The following ACACA variants were observed in gnomAD, a reference collection of about 807,000 sequenced individuals.
ACACA encodes acetyl-CoA carboxylase alpha, also known as acetyl-CoA carboxylase 1.
In ACACA, 103 loss-of-function variants were observed where a neutral mutation model predicts 296.1. The observed-to-expected ratio is 0.35, with a 90% CI of 0.30 to 0.41. The LOEUF (loss-of-function observed/expected upper bound fraction) is 0.41, where lower values mean the gene tolerates loss of function less well. ACACA is among the 10% of genes least tolerant of loss of function. The probability of loss-of-function intolerance (pLI) is 1.00; values close to 1 mark genes in which losing one functional copy is unlikely to be tolerated. For missense variants in ACACA, 1,554 were observed against 2,989.7 expected (o/e 0.52, Z 11.20); for synonymous variants, 953 against 1,038.6 (o/e 0.92, Z 1.58).
intron 3 of ACACA, among the ~76,000 whole-genome samples, chr17:37,321,451 C>T (rs114785148): frequency 6.6e-6 from 1 of 152,126 alleles, no homozygotes; most frequent in African/African-American, 2.4e-5. Flanking sequence ...GGTGTCTCTA[C>T]TAAAACTACA....
At chr17:37,210,596 G>T in intron 29 of ACACA, 106 bp from the exon 30 acceptor site, 1 of 1,036,578 alleles carries the variant, frequency 9.6e-7, no homozygotes, top group Non-Finnish European at 1.5e-6. Context: ...CAGTTTGGCA[G>T]CTCTGGCATT....
chr17:37,178,880 A>G (rs2077217725), intron 41 of ACACA, among the ~76,000 whole-genome samples: 1 of 152,178 alleles, frequency 6.6e-6, no homozygotes, highest in Non-Finnish European at 1.5e-5. Context: ...ATTTTCATGT[A>G]CCTATCACCT....
chr17:37,172,285 G>A (rs1002870445), intron 41 of ACACA, among the ~76,000 whole-genome samples: 11 of 152,058 alleles, frequency 7.2e-5, no homozygotes, highest in African/African-American at 2.4e-4. Flanking sequence ...AGTCAATCAA[G>A]GTTACTGAGC....
At chr17:37,282,227 C>T (rs2146572555) in intron 5 of ACACA, among the ~76,000 whole-genome samples, 1 of 152,176 alleles carries the variant, frequency 6.6e-6, no homozygotes, top group African/African-American at 2.4e-5. Context: ...GTGTGTGGCA[C>T]CCTCCCCACA....
intron 1 of ACACA, among the ~76,000 whole-genome samples, chr17:37,375,410 C>T (rs2049963170): frequency 6.6e-6 from 1 of 152,064 alleles, no homozygotes; most frequent in African/African-American, 2.4e-5. Flanking sequence ...TGGCGTGAAC[C>T]TGGGAGACAG....
intron 33 of ACACA, among the ~76,000 whole-genome samples, chr17:37,205,353 C>T (rs766275158): frequency 1.3e-5 from 2 of 151,462 alleles, no homozygotes; most frequent in Non-Finnish European, 2.9e-5. Flanking sequence ...ATCCAAGTGA[C>T]GTAAAATTGA....
intron 1 of ACACA, among the ~76,000 whole-genome samples, chr17:37,398,266 G>A (rs1033562482): frequency 7.1e-6 from 1 of 140,710 alleles, no homozygotes; most frequent in Non-Finnish European, 1.5e-5. Context: ...TCCTCTTCTA[G>A]CTGTTGTGGT....
intron 1 of ACACA, 110 bp downstream of exon 1, chr17:37,406,152 A>C: frequency 8.0e-7 from 1 of 1,255,076 alleles, no homozygotes; most frequent in Non-Finnish European, 1.2e-6. Context: ...TTTAAATGAG[A>C]CCGTATGTGT....
intron 47 of ACACA, among the ~76,000 whole-genome samples, chr17:37,128,494 T>C (rs902322280): frequency 6.6e-6 from 1 of 152,236 alleles, no homozygotes; most frequent in African/African-American, 2.4e-5. Flanking sequence ...CTTTTATATA[T>C]AGCCTTTCTT....
At chr17:37,223,743 A>G in intron 27 of ACACA, 142 bp from the exon 28 acceptor site, 1 of 689,860 alleles carries the variant, frequency 1.4e-6, no homozygotes, top group Admixed American at 2.2e-5. Context: ...CAGCTTCCTG[A>G]GCTACAAAAT....
At chr17:37,367,300 C>T (rs2049643337) in intron 1 of ACACA, among the ~76,000 whole-genome samples, 2 of 150,460 alleles carry the variant, frequency 1.3e-5, no homozygotes, top group Non-Finnish European at 3.0e-5. Context: ...AATCAATGAA[C>T]AAGATGGTCA....
intron 43 of ACACA, among the ~76,000 whole-genome samples, chr17:37,152,039 C>T (rs2076066322): frequency 1.3e-5 from 2 of 152,072 alleles, no homozygotes; most frequent in Non-Finnish European, 1.5e-5. Context: ...TTGTGATCCA[C>T]CCGCCTCGGC....
chr17:37,226,147 C>T (rs1426198966), intron 26 of ACACA, among the ~76,000 whole-genome samples, 192 bp downstream of exon 26: 7 of 152,078 alleles, frequency 4.6e-5, no homozygotes, highest in East Asian at 3.8e-4. Context: ...TTTAAAGAGA[C>T]GCAGCACTAA....
intron 1 of ACACA, chr17:37,391,539 C>A: frequency 1.1e-6 from 1 of 930,734 alleles, no homozygotes. Flanking sequence ...AAATGAAGTG[C>A]ACTTGGAATT....
At chr17:37,123,814 G>A (rs2074639500) in intron 48 of ACACA, among the ~76,000 whole-genome samples, 1 of 152,182 alleles carries the variant, frequency 6.6e-6, no homozygotes, top group Non-Finnish European at 1.5e-5. Flanking sequence ...ACTTGTAATT[G>A]CAAAAGCCAC....
intron 11 of ACACA, among the ~76,000 whole-genome samples, chr17:37,260,362 G>A (rs1165097930): frequency 5.1e-5 from 7 of 136,018 alleles, no homozygotes; most frequent in Admixed American, 1.6e-4. Flanking sequence ...GGAGCACAGT[G>A]GCGCAATCTC....
intron 50 of ACACA, among the ~76,000 whole-genome samples, chr17:37,120,662 G>A (rs1223971611): frequency 6.6e-6 from 1 of 152,216 alleles, no homozygotes; most frequent in Non-Finnish European, 1.5e-5. Flanking sequence ...CTCTGGCTTA[G>A]CATGGCCATG....
intron 25 of ACACA, among the ~76,000 whole-genome samples, chr17:37,234,676 C>T (rs2080024240): frequency 1.3e-5 from 2 of 152,016 alleles, no homozygotes; most frequent in African/African-American, 4.8e-5. Context: ...AAGCTGCTGT[C>T]ATGATGACCA....
intron 24 of ACACA, among the ~76,000 whole-genome samples, chr17:37,237,242 A>G (rs1374030140): frequency 1.3e-5 from 2 of 152,204 alleles, no homozygotes; most frequent in Non-Finnish European, 2.9e-5. Flanking sequence ...GGAATATACC[A>G]GACTTCAATG....
Sources: gnomAD v4.1 joint callset for allele counts (sites outside exome capture counted in the v4.1 genomes callset) on GRCh38, gnomAD v4.1.1 for gene constraint, MANE v1.5 for transcripts, NCBI Gene and HGNC (gene_info 2026-07-23, HGNC 2026-07-21) for gene names.